The following ZNG1B variants were observed in gnomAD, a reference collection of about 807,000 sequenced individuals.
ZNG1B encodes Zn regulated GTPase metalloprotein activator 1B, also known as zinc-regulated GTPase metalloprotein activator 1B.
At chr2:113,461,223 T>G in the ZNG1B span, among the ~76,000 whole-genome samples, 2 of 150,358 alleles carry the variant, frequency 1.3e-5, no homozygotes, top group Non-Finnish European at 3.0e-5. Context: ...ATTTTTGCAT[T>G]TTTTTTTAAA....
chr2:113,488,994 C>A, the ZNG1B span, among the ~76,000 whole-genome samples: 1 of 140,240 alleles, frequency 7.1e-6, no homozygotes, highest in Non-Finnish European at 1.5e-5. Flanking sequence ...GACCTAGATG[C>A]AAATACAAGA....
chr2:113,486,919 C>T, the ZNG1B span, among the ~76,000 whole-genome samples: 3 of 150,840 alleles, frequency 2.0e-5, no homozygotes, highest in East Asian at 2.0e-4. Context: ...ATTTGACAAC[C>T]TTTTGCTGTA....
chr2:113,490,265 C>G, the ZNG1B span, among the ~76,000 whole-genome samples: 1 of 152,102 alleles, frequency 6.6e-6, no homozygotes, highest in African/African-American at 2.4e-5. Context: ...ATCACTGGGT[C>G]AAAGATGAAA....
At chr2:113,440,207 G>T in the ZNG1B span, among the ~76,000 whole-genome samples, 1 of 152,052 alleles carries the variant, frequency 6.6e-6, no homozygotes, top group Non-Finnish European at 1.5e-5. Flanking sequence ...TAAGCTCTAT[G>T]AAGGCAGAGA....
the ZNG1B span, among the ~76,000 whole-genome samples, chr2:113,442,143 A>G: frequency 6.6e-6 from 1 of 152,192 alleles, no homozygotes; most frequent in Admixed American, 6.5e-5. Flanking sequence ...ACTTTGTTTA[A>G]TGTTTATTAT....
At chr2:113,462,454 G>A in the ZNG1B span, 7 of 1,599,018 alleles carry the variant, frequency 4.4e-6, no homozygotes, top group Non-Finnish European at 5.9e-6. Flanking sequence ...AACAGACTTG[G>A]TTCCAGAAGA....
At chr2:113,458,574 T>C in the ZNG1B span, among the ~76,000 whole-genome samples, 3 of 130,852 alleles carry the variant, frequency 2.3e-5, no homozygotes. Context: ...TGAAGAATTC[T>C]AATATTTTGG....
chr2:113,473,081 T>G, the ZNG1B span, among the ~76,000 whole-genome samples: 2 of 149,920 alleles, frequency 1.3e-5, no homozygotes, highest in African/African-American at 4.9e-5. Flanking sequence ...TTGGGCAGTA[T>G]GGCCATTTTC....
At chr2:113,451,833 AT>A in the ZNG1B span, among the ~76,000 whole-genome samples, 1 of 151,950 alleles carries the variant, frequency 6.6e-6, no homozygotes, top group East Asian at 1.9e-4. Flanking sequence ...TTTGTAAACT[AT>A]TTATTGGAAT....
the ZNG1B span, chr2:113,462,901 G>GTT: frequency 1.2e-3 from 189 of 156,686 alleles, no homozygotes; most frequent in East Asian, 3.0e-3. Flanking sequence ...TTCTTGTTCT[G>GTT]TTTTTTTTTT....
At chr2:113,443,189 C>T in the ZNG1B span, among the ~76,000 whole-genome samples, 3 of 151,966 alleles carry the variant, frequency 2.0e-5, no homozygotes, top group Non-Finnish European at 4.4e-5. Context: ...AGGATGGTCT[C>T]GATCTCCTGA....
the ZNG1B span, among the ~76,000 whole-genome samples, chr2:113,459,501 T>G: frequency 4.5e-4 from 68 of 151,938 alleles, no homozygotes; most frequent in Non-Finnish European, 7.9e-4. Context: ...TCACAAAGAC[T>G]TTAAAATTAT....
chr2:113,467,206 C>T, the ZNG1B span, among the ~76,000 whole-genome samples: 1 of 145,800 alleles, frequency 6.9e-6, no homozygotes, highest in Admixed American at 6.8e-5. Context: ...CAATAAACTG[C>T]TATAAGCATG....
At chr2:113,479,951 A>G in the ZNG1B span, among the ~76,000 whole-genome samples, 1 of 151,712 alleles carries the variant, frequency 6.6e-6, no homozygotes, top group Non-Finnish European at 1.5e-5. Flanking sequence ...ACTCATGAGT[A>G]GCTGGGACTA....
the ZNG1B span, chr2:113,437,812 G>A: frequency 1.2e-6 from 2 of 1,606,026 alleles, no homozygotes; most frequent in South Asian, 1.1e-5. Context: ...GCGCGGCTGC[G>A]GTACGGCGTG....
chr2:113,477,143 C>T, the ZNG1B span, among the ~76,000 whole-genome samples: 1 of 152,216 alleles, frequency 6.6e-6, no homozygotes, highest in Non-Finnish European at 1.5e-5. Context: ...AGTTTGATCT[C>T]AGACTGCTGT....
At chr2:113,495,269 C>T in the ZNG1B span, 7 of 1,514,364 alleles carry the variant, frequency 4.6e-6, 2 homozygotes, top group Non-Finnish European at 6.2e-6. Flanking sequence ...AAAGGATTCA[C>T]AGTTTTAAAA....
the ZNG1B span, chr2:113,495,762 T>C: frequency 1.7e-6 from 1 of 581,772 alleles, no homozygotes; most frequent in Non-Finnish European, 2.9e-6. Context: ...GCATTTCTTA[T>C]CAAAAGGATT....
chr2:113,490,460 C>T, the ZNG1B span, among the ~76,000 whole-genome samples: 1 of 151,678 alleles, frequency 6.6e-6, no homozygotes, highest in African/African-American at 2.4e-5. Flanking sequence ...AGAACAAACC[C>T]AGCAGAAGAA....
Sources: gnomAD v4.1 joint callset for allele counts (sites outside exome capture counted in the v4.1 genomes callset) on GRCh38, gnomAD v4.1.1 for gene constraint, MANE v1.5 for transcripts, NCBI Gene and HGNC (gene_info 2026-07-23, HGNC 2026-07-21) for gene names.